The following PTPRD variants were observed in gnomAD, a reference collection of about 807,000 sequenced individuals.
PTPRD encodes protein tyrosine phosphatase receptor type D.
In PTPRD, 34 loss-of-function variants were observed where a neutral mutation model predicts 214.5. The ratio of observed to expected loss-of-function variants is 0.16; its 90% confidence interval spans 0.12 to 0.21. The LOEUF is 0.21. Among genes scored for constraint, PTPRD ranks in the 10% least tolerant of loss-of-function variants. The probability of loss-of-function intolerance (pLI) is 1.00; values close to 1 mark genes in which losing one functional copy is unlikely to be tolerated. For missense variants in PTPRD, 2,545 were observed against 2,398.7 expected (o/e 1.06, Z -1.27); for synonymous variants, 1,128 against 845.7 (o/e 1.33, Z -5.79).
intron 14 of PTPRD, among the ~76,000 whole-genome samples, chr9:8,580,309 T>C (rs577710552): frequency 1.2e-4 from 19 of 152,184 alleles, no homozygotes; most frequent in Admixed American, 5.2e-4. Context: ...CTCTAAAACA[T>C]TGAAGCAGTA....
intron 9 of PTPRD, among the ~76,000 whole-genome samples, chr9:9,261,273 A>T (rs1250918811): frequency 6.6e-6 from 1 of 151,800 alleles, no homozygotes; most frequent in East Asian, 2.0e-4. Flanking sequence ...TATAGGCTTC[A>T]TTTTTTAGAA....
intron 8 of PTPRD, among the ~76,000 whole-genome samples, chr9:9,425,438 T>C (rs868271945): frequency 1.8e-4 from 26 of 146,924 alleles, no homozygotes; most frequent in Admixed American, 3.4e-4. Context: ...ATCTTATACA[T>C]TATATAATTT....
At chr9:10,610,331 G>C (rs997392578) in intron 2 of PTPRD, among the ~76,000 whole-genome samples, 2 of 152,140 alleles carry the variant, frequency 1.3e-5, no homozygotes, top group African/African-American at 4.8e-5. Context: ...TGTCAGGTTA[G>C]TTTTAATGTT....
chr9:8,609,835 T>G (rs2095377426), intron 14 of PTPRD, among the ~76,000 whole-genome samples: 1 of 152,190 alleles, frequency 6.6e-6, no homozygotes, highest in Non-Finnish European at 1.5e-5. Context: ...TTCCTTCCTT[T>G]TAACCGTATT....
chr9:9,476,235 T>C (rs541679146), intron 8 of PTPRD, among the ~76,000 whole-genome samples: 45 of 152,342 alleles, frequency 3.0e-4, no homozygotes, highest in Non-Finnish European at 5.4e-4. Flanking sequence ...TATAAACTCC[T>C]GCCATATATA....
At chr9:10,543,169 G>C (rs538080276) in intron 2 of PTPRD, among the ~76,000 whole-genome samples, 1 of 152,122 alleles carries the variant, frequency 6.6e-6, no homozygotes, top group East Asian at 1.9e-4. Flanking sequence ...ACAGGTGCAA[G>C]CCACCACGCC....
intron 2 of PTPRD, among the ~76,000 whole-genome samples, chr9:10,371,252 T>C (rs938375441): frequency 2.6e-5 from 4 of 152,018 alleles, no homozygotes; most frequent in Admixed American, 6.6e-5. Context: ...CATCCACACA[T>C]ACTTGCTGTC....
chr9:9,304,646 G>C (rs981985769), intron 9 of PTPRD, among the ~76,000 whole-genome samples: 2 of 151,258 alleles, frequency 1.3e-5, no homozygotes, highest in African/African-American at 2.4e-5. Flanking sequence ...ATTTTCTCTA[G>C]AGGATTCAGT....
In PTPRD at chr9:10,511,569, A is replaced by ATTTTTTTTTTTTTTTTTTTTTTTTTT. The variant is rs66768632; in HGVS notation, c.-600+100828_-600+100829insAAAAAAAAAAAAAAAAAAAAAAAAAA. On this transcript the variant is annotated intron_variant, in intron 2 of 45. Transcript: ENST00000381196. ...CAGGTGTGCGCCACCACACCCTGGT[A>ATTTTTTTTTTTTTTTTTTTTTTTTTT]TTTTTTTTTTTTTTTTTTGTATTTT... Among the ~76,000 whole-genome samples the ATTTTTTTTTTTTTTTTTTTTTTTTTT allele has an allele frequency of 1.6e-5, 2 of 127,860 alleles. 1 individual carries two copies. 83.9% of individuals were successfully genotyped at this position (127,860 alleles called of 152,430 possible).
At chr9:8,792,583 T>C (rs565618887) in intron 11 of PTPRD, among the ~76,000 whole-genome samples, 9 of 152,330 alleles carry the variant, frequency 5.9e-5, no homozygotes, top group African/African-American at 2.2e-4. Context: ...TTGATTTTAC[T>C]CAAATCTGCC....
intron 4 of PTPRD, among the ~76,000 whole-genome samples, chr9:10,011,525 C>T (rs2154106440): frequency 6.6e-6 from 1 of 151,984 alleles, no homozygotes; most frequent in South Asian, 2.1e-4. Context: ...TTAACAAAAA[C>T]CAAGGCACAA....
chr9:9,423,663 C>T (rs2079693842), intron 8 of PTPRD, among the ~76,000 whole-genome samples: 1 of 152,076 alleles, frequency 6.6e-6, no homozygotes, highest in Admixed American at 6.6e-5. Context: ...GAGATAACTG[C>T]ATCAGAGAAA....
intron 3 of PTPRD, among the ~76,000 whole-genome samples, chr9:10,268,408 T>C (rs888617137): frequency 2.0e-5 from 3 of 151,926 alleles, no homozygotes; most frequent in African/African-American, 4.8e-5. Context: ...CTATGTATTA[T>C]ACTAATAGTT....
In PTPRD at chr9:9,473,015, T is replaced by C. The variant is rs368997228; in HGVS notation, c.-236-75533A>G. ...TTTTCTAGATTTTTGAAAATATATA[T>C]GAAATTATTGTTAATGAACTCTACA... On this transcript the variant is annotated intron_variant, in intron 8 of 45. Coordinates refer to ENST00000381196, the MANE Select transcript of PTPRD (RefSeq NM_002839.4). Among the ~76,000 whole-genome samples the C allele has an allele frequency of 3.7e-4, 56 of 152,316 alleles. No individual in the cohort carries two copies. In the East Asian group the frequency reaches 8.5e-3, roughly 23 times the overall value.
intron 12 of PTPRD, among the ~76,000 whole-genome samples, chr9:8,690,367 A>G (rs1456960931): frequency 6.6e-6 from 1 of 151,626 alleles, no homozygotes; most frequent in African/African-American, 2.4e-5. Context: ...CTCTACTAAA[A>G]ATATAAAAAA....
At chr9:9,624,649 A>C (rs181524063) in intron 7 of PTPRD, among the ~76,000 whole-genome samples, 2 of 152,200 alleles carry the variant, frequency 1.3e-5, no homozygotes, top group African/African-American at 2.4e-5. Context: ...AGCCCAGCTT[A>C]CTGAAACCCA....
At chr9:10,387,731 C>A (rs548377892) in intron 2 of PTPRD, among the ~76,000 whole-genome samples, 27 of 149,502 alleles carry the variant, frequency 1.8e-4, no homozygotes, top group South Asian at 1.5e-3. Flanking sequence ...GACAGCTTAG[C>A]ACATTTGAGA....
chr9:8,356,552 A>G (rs2077040111), intron 39 of PTPRD, among the ~76,000 whole-genome samples: 4 of 152,214 alleles, frequency 2.6e-5, no homozygotes, highest in Admixed American at 2.6e-4. Context: ...TTGCAGGTAC[A>G]GCTGGGAAAA....
At position 8,740,382 on chromosome 9, in the gene PTPRD, A is replaced by T. The variant is rs542705660; in HGVS notation, c.-103-6436T>A. ...ATAAAGGACAAGCATACTTCTAAAC[A>T]TCCTCATGAAATAATTTGTATAGTT... is the stretch of plus-strand genomic sequence containing the variant. On this transcript the variant is annotated intron_variant, in intron 11 of 45. Coordinates refer to ENST00000381196, the MANE Select transcript of PTPRD (RefSeq NM_002839.4). Among the ~76,000 whole-genome samples the T allele has an allele frequency of 8.5e-5, 13 of 152,300 alleles. No homozygotes were observed. In the South Asian group the frequency reaches 2.7e-3, roughly 32 times the overall value.
Sources: allele counts gnomAD v4.1 joint callset (sites outside exome capture counted in the v4.1 genomes callset), GRCh38; gene constraint gnomAD v4.1.1; transcripts MANE v1.5; gene names NCBI Gene and HGNC (gene_info 2026-07-23, HGNC 2026-07-21).